PIWIL2: variants seen among roughly 807,000 people sequenced by gnomAD.
PIWIL2 encodes piwi like RNA-mediated gene silencing 2, also known as piwi-like protein 2.
PIWIL2 carries 81 observed loss-of-function variants against 116.5 expected under a neutral mutation model. That is an observed-to-expected ratio of 0.70 (90% confidence interval 0.58 to 0.84). The LOEUF (loss-of-function observed/expected upper bound fraction) is 0.84. Among genes scored for constraint, PIWIL2 ranks in the 40% least tolerant of loss-of-function variants. The pLI, the probability that PIWIL2 is intolerant of heterozygous loss-of-function variation, is 0.00. For missense variants in PIWIL2, 1,272 were observed against 1,212.3 expected (o/e 1.05, Z -0.73); for synonymous variants, 489 against 429.5 (o/e 1.14, Z -1.71).
rs138650801 is a variant in PIWIL2, at chr8:22,342,093, T to C, written c.2404-10866T>C. ...AGCAGAAAAAAATGGAGTACTTTGG[T>C]TTCAGCCTAACAAATTACATACAAG... On this transcript the variant is annotated intron_variant, in intron 20 of 22. Coordinates refer to ENST00000356766, the MANE Select transcript of PIWIL2 (RefSeq NM_018068.5). Among the ~76,000 whole-genome samples, 850 of 152,130 alleles carry C rather than the reference T, an allele frequency of 5.6e-3. 8 individuals carry two copies. Among genetic ancestry groups the C allele is most frequent in the Middle Eastern group, 0.028 (8 of 290 alleles).
At chr8:22,327,471 G>A (rs1449217426) in intron 20 of PIWIL2, among the ~76,000 whole-genome samples, 3 of 150,740 alleles carry the variant, frequency 2.0e-5, no homozygotes, top group African/African-American at 2.4e-5. Flanking sequence ...GGGTTGAAGC[G>A]ATTCTCCTGC....
intron 20 of PIWIL2, among the ~76,000 whole-genome samples, chr8:22,328,054 T>G (rs980649276): frequency 9.4e-5 from 14 of 149,674 alleles, no homozygotes; most frequent in African/African-American, 2.0e-4. Flanking sequence ...TTGTCCCCTG[T>G]TTTTTTTTTC....
At chr8:22,305,401 C>G (rs1319483180) in intron 12 of PIWIL2, among the ~76,000 whole-genome samples, 1 of 152,040 alleles carries the variant, frequency 6.6e-6, no homozygotes, top group Admixed American at 6.6e-5. Flanking sequence ...ACCGTGTTAG[C>G]CAGGATAGTC....
At chr8:22,276,879 G>A (rs1245249602) in intron 1 of PIWIL2, among the ~76,000 whole-genome samples, 2 of 151,082 alleles carry the variant, frequency 1.3e-5, no homozygotes, top group Non-Finnish European at 2.9e-5. Flanking sequence ...CTGTAGCCTG[G>A]ATGACAGAAC....
chr8:22,320,152 AGG>A (rs1415067689), intron 20 of PIWIL2, among the ~76,000 whole-genome samples: 4 of 151,518 alleles, frequency 2.6e-5, no homozygotes, highest in Admixed American at 2.0e-4. Flanking sequence ...TAGTAGAGAC[AGG>A]GTTTCGGCGT....
chr8:22,328,818 G>GTTTTTTTTTTTTTTTTTT (rs57027657), intron 20 of PIWIL2, among the ~76,000 whole-genome samples: 4 of 107,160 alleles, frequency 3.7e-5, no homozygotes, highest in African/African-American at 7.0e-5. Flanking sequence ...AGCTCTAGTC[G>GTTTTTTTTTTTTTTTTTT]TTTTTTTTTT....
chr8:22,322,278 G>A (rs1439037572), intron 20 of PIWIL2, among the ~76,000 whole-genome samples: 1 of 150,974 alleles, frequency 6.6e-6, no homozygotes, highest in Non-Finnish European at 1.5e-5. Flanking sequence ...TTTGAGACAG[G>A]GTTGCTCTGT....
chr8:22,306,590 C>T (rs569093279), intron 13 of PIWIL2, among the ~76,000 whole-genome samples: 38 of 152,236 alleles, frequency 2.5e-4, no homozygotes, highest in African/African-American at 9.2e-4. Context: ...AGCCGGCCCG[C>T]CACACTCTGT....
At chr8:22,290,207 A>G (rs766859917) in intron 9 of PIWIL2, 26 bp from the exon 10 acceptor site, 18 of 1,413,084 alleles carry the variant, frequency 1.3e-5, no homozygotes, top group Admixed American at 3.4e-5. Context: ...TGAAAATCCT[A>G]CAGTTGAGAC....
Position 22,308,053 on chromosome 8 carries a change from C to T in PIWIL2, c.1666C>T (p.Leu556=). Residue 556 remains leucine (L), a synonymous_variant, in exon 14 of 23, where the codon CTG becomes TTG. Transcript: ENST00000356766. ...TNELMRWGLR[L]QKDVHKIEGR... ...TGAACTGATGCGTTGGGGGCTCCGTCTGCAAAAGGATGTACATAAGGTAAA... is the reference window on the plus strand; with the variant it reads ...TGAACTGATGCGTTGGGGGCTCCGTTTGCAAAAGGATGTACATAAGGTAAA... 6.2e-7 allele frequency: 1 copy of T among 1,613,932 alleles called. No individual in the cohort carries two copies. The highest frequency in any genetic ancestry group is 8.5e-7 in the Non-Finnish European group (1 of 1,179,936).
At chr8:22,326,438 C>G (rs1381160133) in intron 20 of PIWIL2, among the ~76,000 whole-genome samples, 6 of 152,098 alleles carry the variant, frequency 3.9e-5, no homozygotes, top group East Asian at 1.9e-4. Context: ...AAGAGGATCT[C>G]TAGTTTAAAA....
At chr8:22,326,828 C>T (rs923250572) in intron 20 of PIWIL2, among the ~76,000 whole-genome samples, 3 of 151,422 alleles carry the variant, frequency 2.0e-5, no homozygotes, top group African/African-American at 7.3e-5. Context: ...TGTTTAAGTT[C>T]CCATTTTCAG....
rs767343991 is a variant in PIWIL2, at chr8:22,318,270, T to C, written c.2398T>C (p.Tyr800His). 1.3e-6 allele frequency: 2 copies of C among 1,568,982 alleles called. No homozygotes were observed. Among genetic ancestry groups the C allele is most frequent in the East Asian group, 2.2e-5 (1 of 44,664 alleles). ...CCTCGTGGGCTCCTTAAAAAAGTTT[T>C]ATGAGGTGAGGAGAACAGAAATTCT... ...LCLVGSLKKF[Y>H]EVNHCLPEKI... The change falls in exon 20 of 23, where the codon TAT (tyrosine) becomes CAT (histidine). Residue 800 changes from tyrosine (Y) to histidine (H), a missense_variant. Tyr to His is a moderately conservative substitution (Grantham distance 83). Transcript: ENST00000356766.
chr8:22,315,566 C>A (rs11135987), intron 18 of PIWIL2, among the ~76,000 whole-genome samples: 63,207 of 152,048 alleles, frequency 0.42, 15,420 homozygotes, highest in East Asian at 0.81. Flanking sequence ...CTGCCCACCT[C>A]AGCCTTCCAA....
intron 20 of PIWIL2, among the ~76,000 whole-genome samples, chr8:22,352,015 G>A (rs546296609): frequency 8.5e-5 from 13 of 152,302 alleles, no homozygotes; most frequent in African/African-American, 3.1e-4. Context: ...CACAATCTCA[G>A]CTTGCTGCAA....
intron 2 of PIWIL2, 122 bp from the exon 3 acceptor site, chr8:22,280,998 C>A: frequency 1.7e-6 from 1 of 596,764 alleles, no homozygotes. Context: ...AAAATGTTTC[C>A]CTTTATTCTT....
At position 22,283,230 on chromosome 8, in the gene PIWIL2, C is replaced by T; in HGVS notation, c.622C>T (p.His208Tyr). ...TCGCCCTCTGGTCCTGACTGTGGAA[C>T]ACAAGGAAAAGTAAGTCAGGAGCAC... ...PDRPLVLTVE[H>Y]KEKELIVKQG... The change falls in exon 5 of 23, where the codon CAC becomes TAC. Residue 208 changes from histidine to tyrosine, a missense_variant. His to Tyr is a moderately conservative substitution (Grantham distance 83, BLOSUM62 2). Coordinates refer to ENST00000356766, the MANE Select transcript of PIWIL2 (RefSeq NM_018068.5). The T allele has an allele frequency of 6.2e-7, 1 of 1,613,094 alleles. No homozygotes were observed. The highest frequency in any genetic ancestry group is 8.5e-7 in the Non-Finnish European group (1 of 1,179,270).
intron 20 of PIWIL2, among the ~76,000 whole-genome samples, chr8:22,326,461 C>T (rs1831727062): frequency 1.3e-5 from 2 of 152,144 alleles, no homozygotes; most frequent in South Asian, 4.2e-4. Flanking sequence ...ATTTTCATCA[C>T]CGCATAAAAA....
chr8:22,333,247 A>G (rs1459301648), intron 20 of PIWIL2, among the ~76,000 whole-genome samples: 1 of 152,202 alleles, frequency 6.6e-6, no homozygotes, highest in Non-Finnish European at 1.5e-5. Context: ...AAACAGGATC[A>G]ACAGCAAGCA....
Sources: gnomAD v4.1 joint callset for allele counts (sites outside exome capture counted in the v4.1 genomes callset) on GRCh38, gnomAD v4.1.1 for gene constraint, MANE v1.5 for transcripts, NCBI Gene and HGNC (gene_info 2026-07-23, HGNC 2026-07-21) for gene names.